The following LMF1 variants were observed in gnomAD, a reference collection of about 807,000 sequenced individuals.
LMF1 encodes lipase maturation factor 1, also known as transmembrane protein 112.
LMF1 carries 68 observed loss-of-function variants against 60.6 expected under a neutral mutation model. The ratio of observed to expected loss-of-function variants is 1.12; its 90% confidence interval spans 0.92 to 1.37. The LOEUF (loss-of-function observed/expected upper bound fraction) is 1.37, where lower values mean the gene tolerates loss of function less well. Among genes scored for constraint, LMF1 ranks in the 40% most tolerant of loss-of-function variants. LMF1 has a pLI of 0.00. For synonymous variants in LMF1, 418 were observed against 324.7 expected, an observed-to-expected ratio of 1.29 and a Z score of -3.09; for missense variants, 948 against 767.2, an observed-to-expected ratio of 1.24 and a Z score of -2.78.
intron 3 of LMF1, among the ~76,000 whole-genome samples, chr16:913,462 G>A (rs1396241961): frequency 6.6e-6 from 1 of 152,248 alleles, no homozygotes; most frequent in East Asian, 1.9e-4. Flanking sequence ...CCCAACTCCT[G>A]CCCTGGCGCC....
In LMF1 at chr16:874,937, C is replaced by T. The variant is rs374294375; in HGVS notation, c.898-3596G>A. 3.9e-5 allele frequency among the ~76,000 whole-genome samples: 6 copies of T among 152,156 alleles called. No homozygotes were observed. The highest frequency in any genetic ancestry group is 1.4e-4 in the African/African-American group (6 of 41,424). On this transcript the variant is annotated intron_variant, in intron 6 of 10. Coordinates refer to ENST00000262301, the MANE Select transcript of LMF1 (RefSeq NM_022773.4). The surrounding 1 kb of genome is among the most constrained non-coding windows in gnomAD (Gnocchi z 4.1). ...CCTCTGCCCTGTACGCCTGTGGGGGCAAAAGCCCTAGTTCAAGACCCCACA... is the reference window on the plus strand; with the variant it reads ...CCTCTGCCCTGTACGCCTGTGGGGGTAAAAGCCCTAGTTCAAGACCCCACA...
intron 1 of LMF1, among the ~76,000 whole-genome samples, chr16:977,812 C>T (rs1363622094): frequency 1.3e-5 from 2 of 151,874 alleles, no homozygotes; most frequent in South Asian, 4.1e-4. Flanking sequence ...GCCCTGGGCC[C>T]AACACACACC....
intron 10 of LMF1, among the ~76,000 whole-genome samples, chr16:866,736 G>A (rs2069619805): frequency 6.6e-6 from 1 of 152,142 alleles, no homozygotes; most frequent in Non-Finnish European, 1.5e-5. Flanking sequence ...TAAATTTCCT[G>A]TCTTGCTAGG....
At chr16:868,841 C>G (rs188092927) in intron 10 of LMF1, 103 bp downstream of exon 10, 1 of 738,766 alleles carries the variant, frequency 1.4e-6, no homozygotes, top group East Asian at 2.6e-5. Flanking sequence ...AGGGAAGGGG[C>G]GCTTCCCGTG....
chr16:892,515 C>T (rs2070520083), intron 5 of LMF1, among the ~76,000 whole-genome samples: 1 of 152,256 alleles, frequency 6.6e-6, no homozygotes, highest in Non-Finnish European at 1.5e-5. Flanking sequence ...TCTGAAGGGA[C>T]TCAGCCTTGG....
chr16:854,214 C>T lies in LMF1; in HGVS notation c.*318G>A, dbSNP rs1327448138. On this transcript the variant is annotated 3_prime_UTR_variant, in exon 11 of 11. Transcript: ENST00000262301. The stretch of plus-strand genomic sequence containing the variant: ...GTAGTGGAGGAAGGTGTCAGGATGG[C>T]CATTGTCTCAACTCCTGTGGGCGGC... 1.7e-6 allele frequency: 1 copy of T among 573,634 alleles called. No homozygotes were observed. The highest frequency in any genetic ancestry group is 1.5e-5 in the South Asian group (1 of 65,548). 35.5% of individuals were successfully genotyped at this position (573,634 alleles called of 1,614,324 possible).
rs1407107053 is a variant in LMF1 at position 874,455 on chromosome 16, C to T, written c.898-3114G>A. Among the ~76,000 whole-genome samples the T allele has an allele frequency of 3.3e-5, 5 of 152,190 alleles. No individual in the cohort carries two copies. Among genetic ancestry groups the T allele is most frequent in the East Asian group, 1.9e-4 (1 of 5,186 alleles). ...CTCCCGCCCTGGCAGTCCGGGGCTG[C>T]GTCTCCCTGTCACCAGTGCCCTAGT... On this transcript the variant is annotated intron_variant, in intron 6 of 10. Transcript: ENST00000262301. The surrounding 1 kb of genome is among the most constrained non-coding windows in gnomAD (Gnocchi z 4.1).
At chr16:898,726 ATC>A (rs1440672688) in intron 4 of LMF1, among the ~76,000 whole-genome samples, 1 of 152,224 alleles carries the variant, frequency 6.6e-6, no homozygotes, top group Non-Finnish European at 1.5e-5. Context: ...TCAGCCGCCT[ATC>A]TCTCTGACGG....
intron 4 of LMF1, among the ~76,000 whole-genome samples, chr16:896,934 C>T (rs151098335): frequency 1.6e-3 from 243 of 151,636 alleles, no homozygotes; most frequent in African/African-American, 5.3e-3. Context: ...ATTTTTTTTT[C>T]TCCCAGAGCA....
At chr16:863,164 T>C (rs1372486184) in intron 10 of LMF1, among the ~76,000 whole-genome samples, 2 of 152,248 alleles carry the variant, frequency 1.3e-5, no homozygotes, top group East Asian at 3.8e-4. Flanking sequence ...GGGTCTGTAG[T>C]GATATCTCTT....
chr16:881,343 C>A (rs1000329700), intron 5 of LMF1: 1 of 152,336 alleles, frequency 6.6e-6, no homozygotes, highest in African/African-American at 2.4e-5. Flanking sequence ...TGACCTGAAA[C>A]TTGGCTGTGA....
At chr16:936,005 G>A (rs977846101) in intron 2 of LMF1, among the ~76,000 whole-genome samples, 31 of 152,344 alleles carry the variant, frequency 2.0e-4, no homozygotes, top group Middle Eastern at 3.4e-3. Flanking sequence ...TCCCTTACCC[G>A]GTAGAGGTCC....
intron 3 of LMF1, among the ~76,000 whole-genome samples, chr16:911,961 C>T (rs1365778787): frequency 6.6e-6 from 1 of 152,144 alleles, no homozygotes; most frequent in Non-Finnish European, 1.5e-5. Flanking sequence ...GGATGCGGGT[C>T]GCCATTCCAG....
chr16:876,191 G>C (rs1447126255), intron 6 of LMF1, among the ~76,000 whole-genome samples: 7 of 152,272 alleles, frequency 4.6e-5, no homozygotes, highest in African/African-American at 9.6e-5. Context: ...GAACCGAAGA[G>C]AAACAAGCAG....
chr16:866,052 C>A (rs143598475), intron 10 of LMF1, among the ~76,000 whole-genome samples: 6 of 152,192 alleles, frequency 3.9e-5, no homozygotes, highest in Non-Finnish European at 7.3e-5. Context: ...GCGTTTTCGA[C>A]GGCTGCATTC....
At position 954,447 on chromosome 16, in the gene LMF1, G is replaced by C. The variant is rs200382562; in HGVS notation, c.413C>G (p.Ser138Cys). Residue 138 changes from serine to cysteine, a missense_variant, in exon 2 of 11, where the codon TCT (serine) becomes TGT (cysteine). Physicochemically the swap from Ser to Cys is moderately radical, Grantham distance 112 (BLOSUM62 -1). Transcript: ENST00000262301. ...GGCGCAGCCCGTGATCAGTACGAAAGACGAGATGCCCAGTCCGAGAAGAGC... is the reference window on the plus strand; with the variant it reads ...GGCGCAGCCCGTGATCAGTACGAAACACGAGATGCCCAGTCCGAGAAGAGC... ...LLALLGLGIS[S>C]FVLITGCANM... 2.1e-4 allele frequency: 344 copies of C among 1,612,998 alleles called. No individual in the cohort carries two copies. Among genetic ancestry groups the C allele is most frequent in the South Asian group, 1.6e-3 (147 of 90,922 alleles).
At chr16:892,799 GA>G (rs1388893241) in intron 5 of LMF1, among the ~76,000 whole-genome samples, 1 of 152,206 alleles carries the variant, frequency 6.6e-6, no homozygotes, top group Non-Finnish European at 1.5e-5. Context: ...CGAGACCATG[GA>G]GGGCCACAGA....
chr16:916,685 A>G (rs2151761607), intron 3 of LMF1, among the ~76,000 whole-genome samples: 1 of 152,286 alleles, frequency 6.6e-6, no homozygotes, highest in South Asian at 2.1e-4. Flanking sequence ...CCCAGACCCC[A>G]CTTCTCCATG....
chr16:975,116 G>A (rs759157310), upstream of LMF1, among the ~76,000 whole-genome samples: 7 of 152,206 alleles, frequency 4.6e-5, no homozygotes, highest in East Asian at 1.9e-4. Flanking sequence ...ACTCACAGAC[G>A]GCTGTTCTGC....
Sources: allele counts gnomAD v4.1 joint callset (sites outside exome capture counted in the v4.1 genomes callset), GRCh38; gene constraint gnomAD v4.1.1; non-coding constraint Gnocchi (gnomAD v3.1); transcripts MANE v1.5; gene names NCBI Gene and HGNC (gene_info 2026-07-23, HGNC 2026-07-21).